The following P2RX5 variants were observed in gnomAD, a reference collection of about 807,000 sequenced individuals.
The protein encoded by P2RX5 is purinergic receptor P2X 5.
A neutral mutation model predicts 54.1 loss-of-function variants in P2RX5; 46 were observed. The ratio of observed to expected loss-of-function variants is 0.85; its 90% CI spans 0.67 to 1.09. The LOEUF is 1.09. Among genes scored for constraint, P2RX5 ranks in the 50% least tolerant of loss-of-function variants. The pLI, the probability that P2RX5 is intolerant of heterozygous loss-of-function variation, is 0.00. For synonymous variants in P2RX5, 226 were observed against 226.4 expected, an observed-to-expected ratio of 1.00 and a Z score of 0.02; for missense variants, 566 against 549.8, an observed-to-expected ratio of 1.03 and a Z score of -0.29.
upstream of P2RX5, among the ~76,000 whole-genome samples, chr17:3,699,095 C>CACACA (rs60173844): frequency 0.028 from 2,810 of 100,140 alleles, 98 homozygotes; most frequent in South Asian, 0.07. Flanking sequence ...ACACACACAC[C>CACACA]TATATATATA....
chr17:3,710,335 G>A, the P2RX5 span, among the ~76,000 whole-genome samples: 2 of 151,838 alleles, frequency 1.3e-5, no homozygotes, highest in African/African-American at 4.8e-5. Context: ...GCTGAGGCAT[G>A]AGAATCGATT....
At chr17:3,683,052 A>G (rs2142997957) in intron 9 of P2RX5, among the ~76,000 whole-genome samples, 1 of 152,120 alleles carries the variant, frequency 6.6e-6, no homozygotes, top group South Asian at 2.1e-4. Flanking sequence ...AAAAGCAAAA[A>G]CAAACAAAAA....
the P2RX5 span, among the ~76,000 whole-genome samples, chr17:3,708,739 T>C: frequency 6.6e-6 from 1 of 152,138 alleles, no homozygotes; most frequent in Non-Finnish European, 1.5e-5. Context: ...AAAGATTATG[T>C]TAGCCCAAGA....
At position 3,690,664 on chromosome 17, in the gene P2RX5, T is replaced by C; in HGVS notation, c.377A>G (p.Asp126Gly). 1 of 1,613,226 alleles carries C rather than the reference T, an allele frequency of 6.2e-7. No individual in the cohort carries two copies. The highest frequency in any genetic ancestry group is 8.5e-7 in the Non-Finnish European group (1 of 1,180,004). The stretch of plus-strand genomic sequence containing the variant: ...GTCGCTGTCCTTGGAGCACGCGCCA[T>C]CAGGAATGCCTTCATTCTGCCAGGA... ...NVCAENEGIP[D>G]GACSKDSDCH... The change falls in exon 4 of 12, where the codon GAT becomes GGT. Residue 126 changes from aspartate to glycine, a missense_variant. Asp to Gly is a moderately conservative substitution (Grantham distance 94). Transcript: ENST00000225328.
At chr17:3,682,042 C>G (rs573523439) in intron 9 of P2RX5, 64 bp from the exon 10 acceptor site, 1 of 1,134,500 alleles carries the variant, frequency 8.8e-7, no homozygotes, top group East Asian at 2.4e-5. Context: ...ATTTAGGGCA[C>G]TTTGCCCCTT....
chr17:3,703,896 T>C, the P2RX5 span, among the ~76,000 whole-genome samples: 1 of 151,798 alleles, frequency 6.6e-6, no homozygotes, highest in South Asian at 2.1e-4. Context: ...AGGTCAGGAG[T>C]TCGAGACCAG....
rs924815917 is a variant in P2RX5 at position 3,681,802 on chromosome 17, C to T, written c.1064+94G>A. On this transcript the variant is annotated intron_variant, in intron 10 of 11. Coordinates refer to ENST00000225328, the MANE Select transcript of P2RX5 (RefSeq NM_002561.4). ...GGCCCTCCAGCCCCTGCCTCCCACC[C>T]CAGCCATCAATATCACATCAGGGCA... The T allele has an allele frequency of 2.0e-5, 17 of 849,642 alleles. No individual in the cohort carries two copies. The East Asian group carries it at 3.7e-4, about 18-fold the overall frequency. The allele number at this position is 849,642 out of a possible 1,614,324, so 52.6% of individuals were successfully genotyped here.
Position 3,677,467 on chromosome 17 carries a change from C to A in P2RX5, c.1259+2123G>T, listed in dbSNP as rs1018864326. The stretch of plus-strand genomic sequence containing the variant: ...TGCCTCCTGACTGCTCCAGTCCTTT[C>A]CTGGTTGCCTCCATGGCCACCTTTA... On this transcript the variant is annotated intron_variant, in intron 11 of 11. Transcript: ENST00000225328. 15 of 985,476 alleles carry A rather than the reference C, an allele frequency of 1.5e-5. No homozygotes were observed. The African/African-American group carries it at 2.4e-4, about 16-fold the overall frequency. 61.0% of individuals were successfully genotyped at this position (985,476 alleles called of 1,614,324 possible). A position where few individuals can be genotyped will look rare whatever the true frequency, so the allele number is the denominator to read the frequency against.
At chr17:3,688,780 G>A (rs368999380) in intron 7 of P2RX5, 21 bp from the exon 8 acceptor site, 20 of 1,613,474 alleles carry the variant, frequency 1.2e-5, no homozygotes, top group African/African-American at 4.0e-5. Context: ...GAGAGATGAG[G>A]GTCAGCACAC....
In P2RX5 at chr17:3,696,127, G is replaced by C; in HGVS notation, c.-122C>G. 1 of 1,075,172 alleles carries C rather than the reference G, an allele frequency of 9.3e-7. No homozygotes were observed. Among genetic ancestry groups the C allele is most frequent in the Non-Finnish European group, 1.2e-6 (1 of 813,680 alleles). 66.6% of individuals were successfully genotyped at this position (1,075,172 alleles called of 1,614,324 possible). On this transcript the variant is annotated 5_prime_UTR_variant, in exon 1 of 12. Coordinates refer to ENST00000225328, the MANE Select transcript of P2RX5 (RefSeq NM_002561.4). Reference sequence around the variant, plus strand: ...GCCCGTCTGCGCCCGCTCAGCTGCAGCCCGGGGTGTCCGGCAGGGCTGCGG... The same window carrying C: ...GCCCGTCTGCGCCCGCTCAGCTGCACCCCGGGGTGTCCGGCAGGGCTGCGG...
chr17:3,684,990 C>T (rs527976972), intron 9 of P2RX5, among the ~76,000 whole-genome samples: 1 of 152,178 alleles, frequency 6.6e-6, no homozygotes, highest in East Asian at 1.9e-4. Flanking sequence ...GGATTACAAG[C>T]ATGTGCCACC....
At chr17:3,716,949 C>A in the P2RX5 span, 1 of 584,824 alleles carries the variant, frequency 1.7e-6, no homozygotes, top group South Asian at 2.1e-5. Context: ...GCTAGATATT[C>A]CCTGATGCAG....
intron 5 of P2RX5, 56 bp from the exon 6 acceptor site, chr17:3,690,206 C>T (rs747518903): frequency 2.0e-6 from 3 of 1,506,970 alleles, no homozygotes; most frequent in African/African-American, 1.4e-5. Context: ...TGCCCCTCCC[C>T]CAGGCCTGGG....
intron 11 of P2RX5, 67 bp downstream of exon 11, chr17:3,679,523 A>G (rs2050180614): frequency 6.9e-7 from 1 of 1,450,206 alleles, no homozygotes; most frequent in East Asian, 2.3e-5. Flanking sequence ...AGGCATGAGA[A>G]GCCCCAACTG....
the P2RX5 span, among the ~76,000 whole-genome samples, chr17:3,702,153 G>A: frequency 8.6e-5 from 13 of 152,030 alleles, no homozygotes; most frequent in East Asian, 1.4e-3. Context: ...CTGTAAAAAC[G>A]CACCAATCAG....
At chr17:3,719,107 G>A in the P2RX5 span, among the ~76,000 whole-genome samples, 3 of 140,610 alleles carry the variant, frequency 2.1e-5, no homozygotes, top group African/African-American at 9.8e-5. Flanking sequence ...ATGGTGGTGG[G>A]CACCTGTAAT....
chr17:3,695,087 G>A (rs113083842), intron 1 of P2RX5, among the ~76,000 whole-genome samples: 6,032 of 152,280 alleles, frequency 0.04, 223 homozygotes, highest in African/African-American at 0.088. Flanking sequence ...GAAGCAGGAG[G>A]AACTCCACCG....
intron 9 of P2RX5, among the ~76,000 whole-genome samples, chr17:3,683,968 C>T (rs1410351693): frequency 6.6e-6 from 1 of 152,172 alleles, no homozygotes; most frequent in African/African-American, 2.4e-5. Context: ...GTCTTGTGTG[C>T]ACAGGGAGAG....
intron 1 of P2RX5, chr17:3,692,070 C>T (rs1339457418): frequency 2.1e-5 from 10 of 466,640 alleles, no homozygotes; most frequent in East Asian, 4.1e-5. Context: ...GCCTATAATC[C>T]GAGGCAGGCA....
Sources: allele counts gnomAD v4.1 joint callset (sites outside exome capture counted in the v4.1 genomes callset), GRCh38; gene constraint gnomAD v4.1.1; transcripts MANE v1.5; gene names NCBI Gene and HGNC (gene_info 2026-07-23, HGNC 2026-07-21).